Variants in ZNF385D observed in about 807,000 individuals in gnomAD.
ZNF385D encodes zinc finger protein 659.
ZNF385D carries 15 observed loss-of-function variants against 35.8 expected under a neutral mutation model. The observed-to-expected ratio is 0.42, with a 90% CI of 0.28 to 0.64. The LOEUF (loss-of-function observed/expected upper bound fraction) is 0.64. Among genes scored for constraint, ZNF385D ranks in the 30% least tolerant of loss-of-function variants. The probability of loss-of-function intolerance (pLI) is 0.23; values close to 1 mark genes in which losing one functional copy is unlikely to be tolerated. For synonymous variants in ZNF385D, 212 were observed against 186.8 expected, an observed-to-expected ratio of 1.13 and a Z score of -1.10; for missense variants, 474 against 494.6, an observed-to-expected ratio of 0.96 and a Z score of 0.39.
chr3:21,948,512 A>G (rs1701904146), intron 3 of ZNF385D, among the ~76,000 whole-genome samples: 1 of 152,104 alleles, frequency 6.6e-6, no homozygotes, highest in African/African-American at 2.4e-5. Flanking sequence ...TTGGACATAT[A>G]GTCACATAAC....
chr3:22,328,212 C>T (rs1694765627), intron 2 of ZNF385D, among the ~76,000 whole-genome samples: 1 of 151,754 alleles, frequency 6.6e-6, no homozygotes, highest in Non-Finnish European at 1.5e-5. Context: ...CTCCTTTCCA[C>T]CCTCCCCTCA....
chr3:21,993,827 C>T lies in ZNF385D; in HGVS notation c.325+174990G>A, dbSNP rs367745703. Among the ~76,000 whole-genome samples the T allele has an allele frequency of 2.2e-4, 34 of 152,248 alleles. No individual in the cohort carries two copies. In the East Asian group the frequency reaches 5.6e-3, roughly 25 times the overall value. On this transcript the variant is annotated intron_variant, in intron 3 of 5. Transcript: ENST00000494108. ...GCGTCCTTACTCATACATAATGTTTCAGTGTTTCTGCCATGGTTATACCAC... is the reference window on the plus strand; with the variant it reads ...GCGTCCTTACTCATACATAATGTTTTAGTGTTTCTGCCATGGTTATACCAC...
chr3:22,282,487 AC>A (rs1434503192), intron 2 of ZNF385D, among the ~76,000 whole-genome samples: 1 of 151,966 alleles, frequency 6.6e-6, no homozygotes, highest in East Asian at 1.9e-4. Flanking sequence ...TTCATTGTTG[AC>A]CCAAAGATCA....
At chr3:21,722,478 C>A (rs528737535) in intron 1 of ZNF385D, among the ~76,000 whole-genome samples, 20 of 152,326 alleles carry the variant, frequency 1.3e-4, no homozygotes, top group Middle Eastern at 3.4e-3. Flanking sequence ...ACAAATCAGG[C>A]CCAGGCCTGC....
At chr3:21,751,260 T>A, upstream of ZNF385D, 1 of 906,590 alleles carries the variant, frequency 1.1e-6, no homozygotes, top group Non-Finnish European at 1.4e-6. Context: ...CACCCTGGGT[T>A]AGCAGCCGCT....
intron 4 of ZNF385D, among the ~76,000 whole-genome samples, chr3:21,482,590 T>C (rs1237126274): frequency 6.6e-6 from 1 of 152,196 alleles, no homozygotes; most frequent in Non-Finnish European, 1.5e-5. Flanking sequence ...GCTGAACTTT[T>C]GCCCTTTTTC....
At chr3:21,851,212 A>G (rs1442866112) in intron 3 of ZNF385D, among the ~76,000 whole-genome samples, 1 of 152,064 alleles carries the variant, frequency 6.6e-6, no homozygotes, top group Non-Finnish European at 1.5e-5. Flanking sequence ...AATTCACTAG[A>G]TGGCCTTGAT....
At chr3:22,033,402 A>AAATAATAATAATAATAATAAT in intron 3 of ZNF385D, among the ~76,000 whole-genome samples, 1 of 139,394 alleles carries the variant, frequency 7.2e-6, no homozygotes, top group African/African-American at 2.7e-5. Context: ...GCTGGCTCCA[A>AAATAATAATAATAATAATAAT]AATAATAATA....
chr3:21,777,710 G>A (rs532518868), intron 3 of ZNF385D: 132 of 151,858 alleles, frequency 8.7e-4, no homozygotes, highest in African/African-American at 2.4e-3. Context: ...TCCCTAATAA[G>A]GCATATTATA....
intron 2 of ZNF385D, among the ~76,000 whole-genome samples, chr3:21,664,041 C>T (rs1226039095): frequency 1.3e-5 from 2 of 149,938 alleles, no homozygotes; most frequent in Admixed American, 6.7e-5. Flanking sequence ...TTGACATGTC[C>T]TGTCATTGAC....
intron 3 of ZNF385D, among the ~76,000 whole-genome samples, chr3:22,109,764 CA>C (rs1253615075): frequency 2.0e-5 from 3 of 152,000 alleles, no homozygotes; most frequent in Non-Finnish European, 4.4e-5. Context: ...CAAAGAAAGC[CA>C]AAATTGACAA....
At chr3:22,106,317 A>G (rs1411916198) in intron 3 of ZNF385D, among the ~76,000 whole-genome samples, 1 of 152,118 alleles carries the variant, frequency 6.6e-6, no homozygotes, top group Non-Finnish European at 1.5e-5. Context: ...AAGTAAGGAC[A>G]ATTACTGCTT....
chr3:21,439,950 G>A (rs1241493048), intron 4 of ZNF385D, among the ~76,000 whole-genome samples: 2 of 152,038 alleles, frequency 1.3e-5, no homozygotes, highest in Admixed American at 1.3e-4. Flanking sequence ...TTCTAAGCAT[G>A]TAGTTAGTGT....
chr3:21,794,122 T>G (rs764686122), intron 3 of ZNF385D, among the ~76,000 whole-genome samples: 1 of 152,150 alleles, frequency 6.6e-6, no homozygotes, highest in Admixed American at 6.6e-5. Context: ...GAGAGCCTTA[T>G]GTGCGTAGCA....
At chr3:21,796,574 T>C (rs993982548) in intron 3 of ZNF385D, among the ~76,000 whole-genome samples, 3 of 152,142 alleles carry the variant, frequency 2.0e-5, no homozygotes, top group Admixed American at 1.3e-4. Context: ...AAAAGGAATC[T>C]ACACACAGAC....
At chr3:21,703,555 C>G (rs1440432947) in intron 1 of ZNF385D, among the ~76,000 whole-genome samples, 1 of 152,072 alleles carries the variant, frequency 6.6e-6, no homozygotes, top group African/African-American at 2.4e-5. Flanking sequence ...TTCCATTACA[C>G]AGTTTCAGCA....
intron 1 of ZNF385D, among the ~76,000 whole-genome samples, chr3:21,674,548 T>C (rs1213518213): frequency 6.6e-6 from 1 of 152,116 alleles, no homozygotes; most frequent in Non-Finnish European, 1.5e-5. Context: ...GTAAGCAATG[T>C]AATTTGTGTT....
At chr3:21,903,589 C>T (rs1467164328) in intron 3 of ZNF385D, among the ~76,000 whole-genome samples, 2 of 152,092 alleles carry the variant, frequency 1.3e-5, no homozygotes, top group African/African-American at 4.8e-5. Context: ...GTGATGATTG[C>T]AGTGGTATAA....
At chr3:21,747,986 G>A (rs1051338479) in intron 1 of ZNF385D, among the ~76,000 whole-genome samples, 1 of 152,090 alleles carries the variant, frequency 6.6e-6, no homozygotes, top group Non-Finnish European at 1.5e-5. Context: ...TGCTGACTGA[G>A]ATTTTCCCTG....
Sources: gnomAD v4.1 joint callset for allele counts (sites outside exome capture counted in the v4.1 genomes callset) on GRCh38, gnomAD v4.1.1 for gene constraint, MANE v1.5 for transcripts, NCBI Gene and HGNC (gene_info 2026-07-23, HGNC 2026-07-21) for gene names.